Variants in ANXA4 observed in about 807,000 individuals in gnomAD.
The protein encoded by ANXA4 is annexin A4, also known as 35-beta calcimedin.
ANXA4 carries 39 observed loss-of-function variants against 49.8 expected under a neutral mutation model. That is an observed-to-expected ratio of 0.78 (90% CI 0.61 to 1.02). The LOEUF (loss-of-function observed/expected upper bound fraction) is 1.02. Ranked by LOEUF, ANXA4 falls within the 50% of genes least tolerant of loss-of-function variation. The probability of loss-of-function intolerance (pLI) is 0.00; values close to 1 mark genes in which losing one functional copy is unlikely to be tolerated. For missense variants in ANXA4, 360 were observed against 410.1 expected, an observed-to-expected ratio of 0.88 and a Z score of 1.05; for synonymous variants, 134 against 152.5, an observed-to-expected ratio of 0.88 and a Z score of 0.89.
intron 2 of ANXA4, among the ~76,000 whole-genome samples, chr2:69,709,609 G>T (rs1034554859): frequency 1.3e-5 from 2 of 152,152 alleles, no homozygotes; most frequent in East Asian, 3.8e-4. Context: ...ACATACACGG[G>T]AAGCCACATC....
At chr2:69,752,106 GAGA>G (rs1670868235) in intron 1 of ANXA4, among the ~76,000 whole-genome samples, 1 of 152,186 alleles carries the variant, frequency 6.6e-6, no homozygotes, top group African/African-American at 2.4e-5. Context: ...GCCAGGGCTG[GAGA>G]AGAAGGGCTT....
rs146908371 is a variant in ANXA4 at position 69,724,492 on chromosome 2, C to T, written n.864+3621C>T. ...GTATGGGCTAATTGCAGCCTTGTGTCCCCAGCTGTCACCATTACTGTCCTG... is the reference window on the plus strand; with the variant it reads ...GTATGGGCTAATTGCAGCCTTGTGTTCCCAGCTGTCACCATTACTGTCCTG... On this transcript the variant is annotated intron_variant and non_coding_transcript_variant, in intron 3 of 3. Coordinates refer to the ANXA4 transcript ENST00000418066. Among the ~76,000 whole-genome samples, 159 of 152,276 alleles carry T rather than the reference C, an allele frequency of 1.0e-3. 1 individual carries two copies. The highest frequency in any genetic ancestry group is 3.4e-3 in the African/African-American group (143 of 41,544).
intron 1 of ANXA4, among the ~76,000 whole-genome samples, chr2:69,648,879 C>CTT (rs201603508): frequency 0.026 from 2,919 of 112,524 alleles, 169 homozygotes; most frequent in East Asian, 0.2. Context: ...AATTTTCTTT[C>CTT]TTTCTTTTCT....
chr2:69,761,020 T>G (rs1573209662), intron 1 of ANXA4, among the ~76,000 whole-genome samples: 1 of 151,476 alleles, frequency 6.6e-6, no homozygotes, highest in East Asian at 1.9e-4. Flanking sequence ...ATTAATTAAT[T>G]AATTAAAAAA....
chr2:69,778,694 G>C (rs1476436582), intron 1 of ANXA4, among the ~76,000 whole-genome samples: 2 of 144,132 alleles, frequency 1.4e-5, no homozygotes, highest in Non-Finnish European at 3.0e-5. Flanking sequence ...CGAATCACTT[G>C]AACCCGGGAG....
intron 1 of ANXA4, among the ~76,000 whole-genome samples, chr2:69,652,120 C>T (rs552204742): frequency 6.6e-6 from 1 of 151,886 alleles, no homozygotes; most frequent in African/African-American, 2.4e-5. Context: ...TCAACAGATT[C>T]TCCTGCCTCA....
chr2:69,812,508 A>AG, intron 7 of ANXA4, 145 bp from the exon 8 acceptor site: 1 of 633,354 alleles, frequency 1.6e-6, no homozygotes, highest in Non-Finnish European at 2.7e-6. Context: ...GCGCATTTAG[A>AG]GGACGTCTGT....
At chr2:69,646,140 C>A (rs1676001863) in intron 1 of ANXA4, among the ~76,000 whole-genome samples, 2 of 152,180 alleles carry the variant, frequency 1.3e-5, no homozygotes, top group African/African-American at 4.8e-5. Context: ...GGATCCTAGA[C>A]CACTTGTGTC....
At chr2:69,686,121 A>G (rs1191948201) in intron 2 of ANXA4, among the ~76,000 whole-genome samples, 1 of 152,198 alleles carries the variant, frequency 6.6e-6, no homozygotes, top group Non-Finnish European at 1.5e-5. Flanking sequence ...TTGTAGGCTT[A>G]TGTAATTTAA....
intron 2 of ANXA4, among the ~76,000 whole-genome samples, chr2:69,656,722 G>A (rs1676514707): frequency 6.6e-6 from 1 of 151,446 alleles, no homozygotes; most frequent in African/African-American, 2.4e-5. Flanking sequence ...ACTAATTTTT[G>A]TATTTTTAGT....
At chr2:69,820,597 A>G (rs546613305) in intron 11 of ANXA4, 102 bp from the exon 12 acceptor site, 4 of 1,407,060 alleles carry the variant, frequency 2.8e-6, no homozygotes, top group East Asian at 4.6e-5. Flanking sequence ...AGCAAAGGAC[A>G]TCGTCAGCAC....
intron 2 of ANXA4, among the ~76,000 whole-genome samples, chr2:69,708,005 T>C (rs1407031935): frequency 6.6e-6 from 1 of 152,236 alleles, no homozygotes; most frequent in Non-Finnish European, 1.5e-5. Flanking sequence ...AACATGGTTT[T>C]CTCCTGCCAT....
At chr2:69,750,653 A>G (rs1670802409) in intron 1 of ANXA4, among the ~76,000 whole-genome samples, 2 of 152,240 alleles carry the variant, frequency 1.3e-5, no homozygotes, top group Non-Finnish European at 2.9e-5. Context: ...GAGTCAAGCC[A>G]TCTGCCTGCT....
At chr2:69,688,382 A>G (rs1242797950) in intron 2 of ANXA4, among the ~76,000 whole-genome samples, 1 of 152,246 alleles carries the variant, frequency 6.6e-6, no homozygotes, top group African/African-American at 2.4e-5. Context: ...TTTTCAATTC[A>G]ACTAGGAGAA....
intron 2 of ANXA4, among the ~76,000 whole-genome samples, chr2:69,657,628 A>G (rs1267056313): frequency 6.6e-6 from 1 of 152,164 alleles, no homozygotes; most frequent in Non-Finnish European, 1.5e-5. Flanking sequence ...TATTGATTTT[A>G]TATTATAATT....
intron 9 of ANXA4, chr2:69,816,457 C>T (rs1673998779): frequency 2.9e-6 from 1 of 341,262 alleles, no homozygotes; most frequent in Non-Finnish European, 5.5e-6. Context: ...CTGACCTTCA[C>T]AGTCAGTCCT....
At chr2:69,784,465 C>T (rs985560215) in intron 2 of ANXA4, among the ~76,000 whole-genome samples, 6 of 152,208 alleles carry the variant, frequency 3.9e-5, no homozygotes, top group Non-Finnish European at 8.8e-5. Context: ...AAACATTCAA[C>T]TCAGAAAGCT....
chr2:69,806,538 C>T (rs1673450706), intron 5 of ANXA4, 40 bp downstream of exon 5: 1 of 1,516,694 alleles, frequency 6.6e-7, no homozygotes, highest in African/African-American at 1.4e-5. Flanking sequence ...GCTGTTGGTG[C>T]AAACGCTGAT....
chr2:69,817,504 T>C (rs1674051682), intron 9 of ANXA4: 1 of 152,136 alleles, frequency 6.6e-6, no homozygotes, highest in African/African-American at 2.4e-5. Context: ...AGTTCTTTGA[T>C]TCCAAGCCAC....
Sources: allele counts gnomAD v4.1 joint callset (sites outside exome capture counted in the v4.1 genomes callset), GRCh38; gene constraint gnomAD v4.1.1; transcripts MANE v1.5; gene names NCBI Gene and HGNC (gene_info 2026-07-23, HGNC 2026-07-21).